DAPK1: variants seen among roughly 807,000 people sequenced by gnomAD.
The protein encoded by DAPK1 is death associated protein kinase 1.
In DAPK1, 56 loss-of-function variants were observed where a neutral mutation model predicts 144.9. The observed-to-expected ratio is 0.39, with a 90% CI of 0.31 to 0.48. DAPK1 has a LOEUF of 0.48. Among genes scored for constraint, DAPK1 ranks in the 20% least tolerant of loss-of-function variants. The pLI is 0.95. For missense variants in DAPK1, 1,454 were observed against 1,875.4 expected (o/e 0.78, Z 4.15); for synonymous variants, 690 against 749.0 (o/e 0.92, Z 1.29).
rs375406646 is a variant in DAPK1, at chr9:87,548,035, G to A, written c.62+48896G>A. On this transcript the variant is annotated intron_variant, in intron 2 of 25. Transcript: ENST00000408954. ...TCTGGATTCATTCGGCATGTACAGG[G>A]CCGGGCATTATTCTAAGCACTTCAC... 5.9e-5 allele frequency among the ~76,000 whole-genome samples: 9 copies of A among 152,278 alleles called. No homozygotes were observed. In the East Asian group the frequency reaches 1.5e-3, roughly 26 times the overall value.
chr9:87,555,421 C>T (rs1005722875), intron 2 of DAPK1, among the ~76,000 whole-genome samples: 7 of 152,086 alleles, frequency 4.6e-5, no homozygotes, highest in Non-Finnish European at 1.0e-4. Flanking sequence ...TGATATACTT[C>T]CTCAAGAAGT....
intron 11 of DAPK1, among the ~76,000 whole-genome samples, chr9:87,645,362 C>A (rs972920967): frequency 6.6e-6 from 1 of 152,012 alleles, no homozygotes; most frequent in Non-Finnish European, 1.5e-5. Context: ...ATAATTGGGA[C>A]CAGCTTTCAG....
At chr9:87,516,238 C>T (rs1432003286) in intron 2 of DAPK1, among the ~76,000 whole-genome samples, 6 of 152,152 alleles carry the variant, frequency 3.9e-5, no homozygotes, top group Non-Finnish European at 7.3e-5. Context: ...TACTGGATTC[C>T]AGATCCTCTT....
chr9:87,629,718 A>C (rs1829604523), intron 3 of DAPK1, among the ~76,000 whole-genome samples: 1 of 152,062 alleles, frequency 6.6e-6, no homozygotes, highest in Non-Finnish European at 1.5e-5. Flanking sequence ...TAAAATTGGA[A>C]ATTTCAGTTC....
At chr9:87,552,349 T>C (rs1357241807) in intron 2 of DAPK1, among the ~76,000 whole-genome samples, 1 of 152,114 alleles carries the variant, frequency 6.6e-6, no homozygotes, top group Non-Finnish European at 1.5e-5. Context: ...TATCTGCAGC[T>C]GGAAGGAGGG....
chr9:87,663,900 A>C (rs1830957685), intron 18 of DAPK1, among the ~76,000 whole-genome samples: 1 of 151,208 alleles, frequency 6.6e-6, no homozygotes, highest in Admixed American at 6.6e-5. Context: ...CTCCTCACCT[A>C]TTTGCATCTA....
intron 21 of DAPK1, among the ~76,000 whole-genome samples, chr9:87,687,577 T>C (rs1047067722): frequency 6.6e-6 from 1 of 152,236 alleles, no homozygotes; most frequent in African/African-American, 2.4e-5. Context: ...ATCTTTGCTA[T>C]TGTGAATAGT....
rs546508769 is a variant in DAPK1 at position 87,587,047 on chromosome 9, CA to C, written c.63-17904del. On this transcript the variant is annotated intron_variant, in intron 2 of 25. Coordinates refer to ENST00000408954, the MANE Select transcript of DAPK1 (RefSeq NM_004938.4). ...TAAATTTTTATATCCTTAGCAAGAT[CA>C]AACTCCTTCTTCTCCCTCACCTAAA... Among the ~76,000 whole-genome samples, 23 of 152,298 alleles carry C rather than the reference CA, an allele frequency of 1.5e-4. No homozygotes were observed. In the South Asian group the frequency reaches 4.3e-3, roughly 29 times the overall value.
At chr9:87,681,373 C>A (rs768902899) in intron 19 of DAPK1, 31 bp from the exon 20 acceptor site, 3 of 1,182,824 alleles carry the variant, frequency 2.5e-6, no homozygotes, top group East Asian at 4.7e-5. Context: ...CTTTTTCTGT[C>A]ACTCACTGGC....
chr9:87,622,385 C>T (rs192752887), intron 3 of DAPK1, among the ~76,000 whole-genome samples: 27 of 152,150 alleles, frequency 1.8e-4, no homozygotes, highest in Admixed American at 3.3e-4. Flanking sequence ...TCCGGTACCT[C>T]ACAAAACAGC....
At position 87,686,797 on chromosome 9, in the gene DAPK1, G is replaced by A; in HGVS notation, c.2413+58G>A. On this transcript the variant is annotated intron_variant, in intron 21 of 25. Coordinates refer to ENST00000408954, the MANE Select transcript of DAPK1 (RefSeq NM_004938.4). The surrounding 1 kb of genome is among the most constrained non-coding windows in gnomAD (Gnocchi z 4.2). Reference sequence around the variant, plus strand: ...AGGTTTCCCTTCAACAGGGTTGTAAGTCATCCCTAAAGGGAGCTTGTCCTG... The same window carrying A: ...AGGTTTCCCTTCAACAGGGTTGTAAATCATCCCTAAAGGGAGCTTGTCCTG... 7.0e-7 allele frequency: 1 copy of A among 1,433,594 alleles called. No individual in the cohort carries two copies. The highest frequency in any genetic ancestry group is 9.6e-7 in the Non-Finnish European group (1 of 1,036,978). 88.8% of individuals were successfully genotyped at this position (1,433,594 alleles called of 1,614,324 possible). A position where few individuals can be genotyped will look rare whatever the true frequency, so the allele number is the denominator to read the frequency against.
intron 3 of DAPK1, among the ~76,000 whole-genome samples, chr9:87,617,627 T>C (rs778862592): frequency 3.9e-5 from 6 of 152,218 alleles, no homozygotes; most frequent in East Asian, 1.9e-4. Flanking sequence ...CTTATATTTA[T>C]TGCAAAGTGT....
chr9:87,573,648 C>T (rs1313156321), intron 2 of DAPK1, among the ~76,000 whole-genome samples: 1 of 152,202 alleles, frequency 6.6e-6, no homozygotes, highest in African/African-American at 2.4e-5. Context: ...GCTTCAACTC[C>T]AGTCAGCACT....
chr9:87,546,984 C>T (rs1826273240), intron 2 of DAPK1, among the ~76,000 whole-genome samples: 1 of 152,036 alleles, frequency 6.6e-6, no homozygotes, highest in Admixed American at 6.6e-5. Context: ...TGGCAAAACC[C>T]CGTCTCTACA....
chr9:87,524,952 G>A (rs1825434962), intron 2 of DAPK1, among the ~76,000 whole-genome samples: 1 of 152,150 alleles, frequency 6.6e-6, no homozygotes, highest in South Asian at 2.1e-4. Flanking sequence ...TTACTGCTCG[G>A]GTGATGGATG....
intron 2 of DAPK1, among the ~76,000 whole-genome samples, chr9:87,595,509 C>T (rs749355363): frequency 2.0e-5 from 3 of 152,224 alleles, no homozygotes; most frequent in Non-Finnish European, 4.4e-5. Flanking sequence ...TAATCCTCAG[C>T]CGCTCTGGTT....
chr9:87,552,598 TC>T (rs752193098), intron 2 of DAPK1, among the ~76,000 whole-genome samples: 9 of 150,332 alleles, frequency 6.0e-5, no homozygotes, highest in African/African-American at 1.5e-4. Context: ...AAAATGTACC[TC>T]TTTTTTTTTG....
At chr9:87,680,663 A>T (rs943895372) in intron 19 of DAPK1, among the ~76,000 whole-genome samples, 1 of 151,894 alleles carries the variant, frequency 6.6e-6, no homozygotes, top group African/African-American at 2.4e-5. Flanking sequence ...GCGCACACAC[A>T]CACACACACA....
At chr9:87,691,795 G>A (rs1223076558) in intron 21 of DAPK1, among the ~76,000 whole-genome samples, 1 of 152,022 alleles carries the variant, frequency 6.6e-6, no homozygotes, top group Non-Finnish European at 1.5e-5. Flanking sequence ...AGTTTCCAAA[G>A]TTCCTCTTGT....
Sources: allele counts gnomAD v4.1 joint callset (sites outside exome capture counted in the v4.1 genomes callset), GRCh38; gene constraint gnomAD v4.1.1; non-coding constraint Gnocchi (gnomAD v3.1); transcripts MANE v1.5; gene names NCBI Gene and HGNC (gene_info 2026-07-23, HGNC 2026-07-21).